Variants in FIG4 observed in about 807,000 individuals in gnomAD.
FIG4 encodes the protein polyphosphoinositide phosphatase.
FIG4 carries 112 observed loss-of-function variants against 118.6 expected under a neutral mutation model. The ratio of observed to expected loss-of-function variants is 0.94; its 90% confidence interval spans 0.81 to 1.11. The LOEUF (loss-of-function observed/expected upper bound fraction) is 1.11. Among genes scored for constraint, FIG4 ranks in the 50% least tolerant of loss-of-function variants. FIG4 has a pLI of 0.00. For synonymous variants in FIG4, 369 were observed against 381.2 expected (o/e 0.97, Z 0.37); for missense variants, 969 against 1,111.7 (o/e 0.87, Z 1.83).
At chr6:109,810,590 G>A (rs532965874) in intron 22 of FIG4, among the ~76,000 whole-genome samples, 5 of 152,288 alleles carry the variant, frequency 3.3e-5, no homozygotes, top group East Asian at 1.9e-4. Flanking sequence ...GTTTAGCCAC[G>A]ACAGACATTC....
At chr6:109,759,392 T>C (rs1213505368) in intron 10 of FIG4, among the ~76,000 whole-genome samples, 2 of 152,070 alleles carry the variant, frequency 1.3e-5, no homozygotes, top group Non-Finnish European at 2.9e-5. Context: ...GTTCTGCACA[T>C]GTATCCCATA....
At chr6:109,772,281 T>G (rs890888282) in intron 15 of FIG4, among the ~76,000 whole-genome samples, 1 of 152,178 alleles carries the variant, frequency 6.6e-6, no homozygotes, top group African/African-American at 2.4e-5. Flanking sequence ...CTTCCCCTGC[T>G]GTGTTTCTAA....
At chr6:109,775,726 A>G (rs914770061) in intron 15 of FIG4, among the ~76,000 whole-genome samples, 5 of 152,194 alleles carry the variant, frequency 3.3e-5, no homozygotes, top group Non-Finnish European at 5.9e-5. Context: ...CTCAGCATAT[A>G]AACATGTCCC....
chr6:109,701,244 A>C (rs1355613098), intron 1 of FIG4, among the ~76,000 whole-genome samples: 1 of 152,196 alleles, frequency 6.6e-6, no homozygotes, highest in Non-Finnish European at 1.5e-5. Context: ...TTTGGCACCT[A>C]GCACCTTCAA....
At chr6:109,819,472 T>C (rs1183727242) in intron 22 of FIG4, among the ~76,000 whole-genome samples, 6 of 152,162 alleles carry the variant, frequency 3.9e-5, no homozygotes, top group Admixed American at 2.6e-4. Context: ...GTAATTTTGT[T>C]TTTGTTTTTG....
At chr6:109,807,530 G>T (rs1225348586) in intron 22 of FIG4, among the ~76,000 whole-genome samples, 1 of 152,150 alleles carries the variant, frequency 6.6e-6, no homozygotes, top group Non-Finnish European at 1.5e-5. Context: ...TGGATAGATT[G>T]CAAAACTTTT....
intron 1 of FIG4, among the ~76,000 whole-genome samples, chr6:109,704,814 C>T (rs1775015138): frequency 6.6e-6 from 1 of 151,732 alleles, no homozygotes; most frequent in South Asian, 2.1e-4. Flanking sequence ...GTACATGATC[C>T]TTGATTAGAT....
At chr6:109,793,480 G>A (rs1778194861) in intron 21 of FIG4, among the ~76,000 whole-genome samples, 1 of 152,210 alleles carries the variant, frequency 6.6e-6, no homozygotes, top group African/African-American at 2.4e-5. Context: ...GTCCTTTTGA[G>A]AAGATAGATT....
At chr6:109,808,161 C>T (rs938192863) in intron 22 of FIG4, among the ~76,000 whole-genome samples, 2 of 151,888 alleles carry the variant, frequency 1.3e-5, no homozygotes, top group African/African-American at 2.4e-5. Flanking sequence ...TAGCAGCTGT[C>T]ACCAAAGGAA....
At chr6:109,809,925 C>A (rs903854721) in intron 22 of FIG4, among the ~76,000 whole-genome samples, 21 of 152,122 alleles carry the variant, frequency 1.4e-4, no homozygotes, top group Non-Finnish European at 1.8e-4. Flanking sequence ...CCAGGTTTTT[C>A]CATCTCTCTG....
chr6:109,715,867 C>G (rs1257693511), intron 2 of FIG4, among the ~76,000 whole-genome samples: 1 of 152,146 alleles, frequency 6.6e-6, no homozygotes, highest in Non-Finnish European at 1.5e-5. Flanking sequence ...TATGTAGTAA[C>G]TACAGTTTGG....
At chr6:109,749,177 T>A in intron 10 of FIG4, among the ~76,000 whole-genome samples, 1 of 151,432 alleles carries the variant, frequency 6.6e-6, no homozygotes, top group African/African-American at 2.4e-5. Context: ...AGTGAGGCAG[T>A]CAGCTTTATT....
intron 1 of FIG4, among the ~76,000 whole-genome samples, chr6:109,697,933 G>T (rs914178446): frequency 6.6e-6 from 1 of 151,538 alleles, no homozygotes; most frequent in Non-Finnish European, 1.5e-5. Flanking sequence ...CTGTCGCCCA[G>T]GCTGGAGTGC....
chr6:109,761,770 A>T (rs1398055804), intron 11 of FIG4, among the ~76,000 whole-genome samples: 1 of 152,196 alleles, frequency 6.6e-6, no homozygotes, highest in Non-Finnish European at 1.5e-5. Flanking sequence ...TTATGAATGT[A>T]TATTGACTTG....
At chr6:109,728,415 A>T (rs1583656537) in intron 4 of FIG4, among the ~76,000 whole-genome samples, 1 of 152,176 alleles carries the variant, frequency 6.6e-6, no homozygotes, top group East Asian at 1.9e-4. Flanking sequence ...AAATTGATAA[A>T]ATTGTAAAGG....
At position 109,791,417 on chromosome 6, in the gene FIG4, C is replaced by T. The variant is rs1274229885; in HGVS notation, c.2222C>T (p.Thr741Met). The change falls in exon 20 of 23, where the codon ACG becomes ATG. Residue 741 changes from threonine to methionine, a missense_variant. Thr to Met is a moderately conservative substitution (Grantham distance 81). Transcript: ENST00000230124. ...NREEAVLQRK[T>M]AASAPPPPSE... ...GAAGAAGCTGTATTACAGCGGAAAA[C>T]GGCAGCCAGCGCCCCGCCGCCCCCC... The T allele has an allele frequency of 1.4e-5, 22 of 1,613,362 alleles. No homozygotes were observed. The highest frequency in any genetic ancestry group is 1.6e-4 in the Middle Eastern group (1 of 6,082).
intron 4 of FIG4, among the ~76,000 whole-genome samples, chr6:109,728,419 G>A (rs1775884843): frequency 6.6e-6 from 1 of 152,044 alleles, no homozygotes; most frequent in African/African-American, 2.4e-5. Flanking sequence ...TGATAAAATT[G>A]TAAAGGTTGA....
At chr6:109,789,567 T>A (rs202212773) in intron 18 of FIG4, 27 bp from the exon 19 acceptor site, 2 of 1,517,202 alleles carry the variant, frequency 1.3e-6, no homozygotes, top group Non-Finnish European at 9.2e-7. Flanking sequence ...GTAATTCATA[T>A]GTAATTGTGT....
chr6:109,744,528 A>G (rs1043357680), intron 10 of FIG4, among the ~76,000 whole-genome samples: 1 of 152,042 alleles, frequency 6.6e-6, no homozygotes, highest in Non-Finnish European at 1.5e-5. Flanking sequence ...CCAACAATCT[A>G]GTAGTGTCTG....
Sources: allele counts gnomAD v4.1 joint callset (sites outside exome capture counted in the v4.1 genomes callset), GRCh38; gene constraint gnomAD v4.1.1; transcripts MANE v1.5; gene names NCBI Gene and HGNC (gene_info 2026-07-23, HGNC 2026-07-21).